TRHDE: variants seen among roughly 807,000 people sequenced by gnomAD.
The protein encoded by TRHDE is thyrotropin releasing hormone degrading enzyme, also known as thyrotropin-releasing hormone-degrading ectoenzyme.
A neutral mutation model predicts 125.7 loss-of-function variants in TRHDE; 72 were observed. The ratio of observed to expected loss-of-function variants is 0.57; its 90% CI spans 0.47 to 0.70. The LOEUF (loss-of-function observed/expected upper bound fraction) is 0.70. Ranked by LOEUF, TRHDE falls within the 30% of genes least tolerant of loss-of-function variation. TRHDE has a pLI of 0.00. For missense variants in TRHDE, 1,110 were observed against 1,327.1 expected (o/e 0.84, Z 2.54); for synonymous variants, 509 against 509.1 (o/e 1.00, Z 0.00).
At chr12:72,220,761 T>A (rs917885304) in intron 2 of TRHDE, among the ~76,000 whole-genome samples, 2 of 152,128 alleles carry the variant, frequency 1.3e-5, no homozygotes, top group Non-Finnish European at 2.9e-5. Context: ...GCATGTGACA[T>A]CTTTTTACAT....
intron 7 of TRHDE, among the ~76,000 whole-genome samples, chr12:72,549,169 T>C (rs1869557845): frequency 6.6e-6 from 1 of 151,858 alleles, no homozygotes; most frequent in South Asian, 2.1e-4. Flanking sequence ...CATAAAATTC[T>C]GATAGCCTGA....
chr12:72,317,750 G>T (rs983833630), intron 2 of TRHDE, among the ~76,000 whole-genome samples: 5 of 152,298 alleles, frequency 3.3e-5, no homozygotes, highest in Admixed American at 1.3e-4. Flanking sequence ...AGCCTGCAGA[G>T]TAAGAGTAAG....
chr12:72,636,605 G>C (rs1214748834), intron 15 of TRHDE, among the ~76,000 whole-genome samples: 2 of 152,034 alleles, frequency 1.3e-5, no homozygotes, highest in Non-Finnish European at 2.9e-5. Context: ...AATGCTTCCA[G>C]TTTTTGCCCA....
chr12:72,357,198 T>G (rs917981106), intron 2 of TRHDE, among the ~76,000 whole-genome samples: 1 of 151,594 alleles, frequency 6.6e-6, no homozygotes, highest in Non-Finnish European at 1.5e-5. Flanking sequence ...AAAATTCATT[T>G]GGAACCAAAG....
Position 72,541,751 on chromosome 12 carries a change from TCTTA to T in TRHDE, c.1723-537_1723-534del, listed in dbSNP as rs548524922. 3.6e-4 allele frequency among the ~76,000 whole-genome samples: 54 copies of T among 151,536 alleles called. No homozygotes were observed. The South Asian group carries it at 4.1e-3, about 12-fold the overall frequency. ...AGTAAGGAGCAGAGAGCTGAAATAT[TCTTA>T]CTGAGTAAACATGGTGAGTAAGTAG... On this transcript the variant is annotated intron_variant, in intron 6 of 18. Transcript: ENST00000261180.
intron 15 of TRHDE, among the ~76,000 whole-genome samples, chr12:72,629,700 T>C (rs1470625578): frequency 2.0e-5 from 3 of 151,774 alleles, no homozygotes; most frequent in African/African-American, 2.4e-5. Flanking sequence ...GAGTATGTTA[T>C]ACTGACAGAT....
intron 12 of TRHDE, 25 bp downstream of exon 12, chr12:72,575,567 A>G: frequency 6.2e-7 from 1 of 1,611,548 alleles, no homozygotes; most frequent in Non-Finnish European, 8.5e-7. Context: ...GGATCTCCCC[A>G]ATAAAAACTT....
intron 3 of TRHDE, among the ~76,000 whole-genome samples, chr12:72,453,536 G>C (rs1875685665): frequency 1.3e-5 from 2 of 152,212 alleles, no homozygotes; most frequent in Admixed American, 1.3e-4. Context: ...CCATTTTCAG[G>C]AGAAAAATTC....
intron 3 of TRHDE, among the ~76,000 whole-genome samples, chr12:72,404,079 A>G (rs569440868): frequency 3.9e-5 from 6 of 152,234 alleles, no homozygotes; most frequent in Non-Finnish European, 7.4e-5. Flanking sequence ...TACTAGTCGT[A>G]CTAGCCAGAT....
At chr12:72,573,753 A>G (rs1459858836) in intron 10 of TRHDE, among the ~76,000 whole-genome samples, 4 of 152,024 alleles carry the variant, frequency 2.6e-5, no homozygotes, top group Non-Finnish European at 5.9e-5. Context: ...ATATCATATT[A>G]TAGTAAAAGT....
intron 15 of TRHDE, 152 bp from the exon 16 acceptor site, chr12:72,652,170 T>G (rs1874532581): frequency 2.6e-6 from 1 of 388,460 alleles, no homozygotes; most frequent in Admixed American, 4.5e-5. Flanking sequence ...TTTAAAATAT[T>G]ATTACTGTGT....
intron 2 of TRHDE, among the ~76,000 whole-genome samples, chr12:72,228,235 G>T (rs1878175314): frequency 6.6e-6 from 1 of 152,184 alleles, no homozygotes; most frequent in African/African-American, 2.4e-5. Context: ...TGGACAGCCA[G>T]GCATTTCCAT....
At chr12:72,313,919 A>G (rs1160900577) in intron 2 of TRHDE, among the ~76,000 whole-genome samples, 2 of 152,198 alleles carry the variant, frequency 1.3e-5, no homozygotes, top group African/African-American at 4.8e-5. Context: ...GGATTTTTCA[A>G]GCTTGGAATT....
chr12:72,583,337 T>C (rs940303409), intron 12 of TRHDE, among the ~76,000 whole-genome samples: 1 of 152,204 alleles, frequency 6.6e-6, no homozygotes, highest in Non-Finnish European at 1.5e-5. Flanking sequence ...TTCCATGATA[T>C]GAGCAGTGTC....
chr12:72,186,801 C>T (rs975999850), intron 2 of TRHDE, among the ~76,000 whole-genome samples: 1 of 151,564 alleles, frequency 6.6e-6, no homozygotes, highest in African/African-American at 2.4e-5. Flanking sequence ...TTAAGTCCTA[C>T]TACTGCAGTT....
intron 3 of TRHDE, among the ~76,000 whole-genome samples, chr12:72,385,044 T>C (rs1872352935): frequency 6.6e-6 from 1 of 152,164 alleles, no homozygotes; most frequent in South Asian, 2.1e-4. Context: ...CTTATGTTTT[T>C]TAAAGTATGA....
intron 2 of TRHDE, among the ~76,000 whole-genome samples, chr12:72,152,103 G>T (rs1185515220): frequency 6.6e-6 from 1 of 151,482 alleles, no homozygotes; most frequent in African/African-American, 2.4e-5. Flanking sequence ...CCTTGAAAAG[G>T]TCCTTCACAT....
intron 6 of TRHDE, among the ~76,000 whole-genome samples, chr12:72,521,479 G>T (rs1879193298): frequency 6.6e-6 from 1 of 152,166 alleles, no homozygotes; most frequent in East Asian, 1.9e-4. Context: ...TGAGAAACAT[G>T]GTTTGGCTTC....
chr12:72,614,448 C>T (rs1218045102), intron 12 of TRHDE, among the ~76,000 whole-genome samples: 8 of 150,354 alleles, frequency 5.3e-5, no homozygotes, highest in Admixed American at 2.7e-4. Context: ...CAATCTGTAC[C>T]GTAAAAGATT....
Sources: allele counts gnomAD v4.1 joint callset (sites outside exome capture counted in the v4.1 genomes callset), GRCh38; gene constraint gnomAD v4.1.1; transcripts MANE v1.5; gene names NCBI Gene and HGNC (gene_info 2026-07-23, HGNC 2026-07-21).